The following COMMD1 variants were observed in gnomAD, a reference collection of about 807,000 sequenced individuals.
COMMD1 encodes copper metabolism domain containing 1.
In COMMD1, 10 loss-of-function variants were observed where a neutral mutation model predicts 17.2. The ratio of observed to expected loss-of-function variants is 0.58; its 90% confidence interval spans 0.36 to 0.99. The LOEUF is 0.99. Among genes scored for constraint, COMMD1 ranks in the 50% least tolerant of loss-of-function variants. The pLI is 0.01. For synonymous variants in COMMD1, 97 were observed against 91.6 expected, an observed-to-expected ratio of 1.06 and a Z score of -0.34; for missense variants, 270 against 231.8, an observed-to-expected ratio of 1.17 and a Z score of -1.07.
At chr2:62,023,723 G>A (rs1220267016) in intron 2 of COMMD1, among the ~76,000 whole-genome samples, 3 of 152,132 alleles carry the variant, frequency 2.0e-5, no homozygotes, top group Admixed American at 2.0e-4. Context: ...GACCTTGGGT[G>A]TTCCGCCCGC....
intron 1 of COMMD1, among the ~76,000 whole-genome samples, chr2:61,900,204 A>G (rs1448153795): frequency 6.6e-6 from 1 of 152,222 alleles, no homozygotes; most frequent in African/African-American, 2.4e-5. Context: ...CATTTCAGGG[A>G]GGCAGGAGTT....
chr2:62,002,689 AAAC>A (rs763733262), intron 2 of COMMD1, among the ~76,000 whole-genome samples: 7 of 148,656 alleles, frequency 4.7e-5, no homozygotes, highest in East Asian at 4.0e-4. Flanking sequence ...AAACAAAACA[AAAC>A]AACAACAACA....
At chr2:62,105,258 A>G (rs930702399) in intron 2 of COMMD1, among the ~76,000 whole-genome samples, 1 of 152,132 alleles carries the variant, frequency 6.6e-6, no homozygotes, top group Non-Finnish European at 1.5e-5. Context: ...ATTGCTTGCT[A>G]TGAGTTTTAA....
At chr2:61,974,475 C>G (rs1020248746) in intron 1 of COMMD1, among the ~76,000 whole-genome samples, 1 of 151,510 alleles carries the variant, frequency 6.6e-6, no homozygotes, top group African/African-American at 2.4e-5. Flanking sequence ...AGTTCAAGAC[C>G]AGCCTAGGCA....
chr2:62,038,608 C>T (rs1670103981), intron 2 of COMMD1, among the ~76,000 whole-genome samples: 1 of 151,976 alleles, frequency 6.6e-6, no homozygotes, highest in South Asian at 2.1e-4. Flanking sequence ...AGTACAGTGG[C>T]ACGATCTTGG....
chr2:62,014,880 A>G (rs1044150771), intron 2 of COMMD1, among the ~76,000 whole-genome samples: 4 of 151,910 alleles, frequency 2.6e-5, no homozygotes, highest in African/African-American at 7.3e-5. Context: ...AGCAGTTTTT[A>G]AGTGTACAGT....
intron 2 of COMMD1, among the ~76,000 whole-genome samples, chr2:62,064,151 A>C (rs1211101230): frequency 1.3e-5 from 2 of 151,686 alleles, no homozygotes; most frequent in African/African-American, 2.4e-5. Flanking sequence ...TATCACACAT[A>C]GTAGATTTTT....
chr2:61,979,744 G>A (rs1671905946), intron 1 of COMMD1, among the ~76,000 whole-genome samples: 1 of 143,448 alleles, frequency 7.0e-6, no homozygotes, highest in South Asian at 2.2e-4. Context: ...TTGGATATAA[G>A]TCATTTTTTT....
intron 2 of COMMD1, among the ~76,000 whole-genome samples, chr2:62,050,683 C>G (rs891411418): frequency 3.9e-5 from 6 of 152,164 alleles, no homozygotes; most frequent in African/African-American, 1.4e-4. Flanking sequence ...ATTTTGTAAG[C>G]TGACTTATGT....
chr2:61,958,622 T>C (rs1671259167), intron 1 of COMMD1, among the ~76,000 whole-genome samples: 1 of 152,226 alleles, frequency 6.6e-6, no homozygotes, highest in Non-Finnish European at 1.5e-5. Flanking sequence ...ATCTGATTTT[T>C]GTACTCACAT....
intron 1 of COMMD1, among the ~76,000 whole-genome samples, chr2:61,965,841 A>G (rs1315400335): frequency 2.0e-5 from 3 of 151,704 alleles, no homozygotes; most frequent in Non-Finnish European, 4.4e-5. Context: ...TAAGGAAAAA[A>G]CTTTTTAAAG....
chr2:62,002,601 G>A (rs1434685249), intron 2 of COMMD1, among the ~76,000 whole-genome samples: 2 of 151,522 alleles, frequency 1.3e-5, no homozygotes, highest in African/African-American at 4.9e-5. Flanking sequence ...GCCAAGGCAG[G>A]TGGATCACTT....
chr2:62,036,965 A>G (rs1670056393), intron 2 of COMMD1, among the ~76,000 whole-genome samples: 1 of 152,312 alleles, frequency 6.6e-6, no homozygotes, highest in Admixed American at 6.5e-5. Context: ...ATTGGGGACA[A>G]TGAGTTTTTG....
At chr2:61,945,289 T>C (rs1670877185) in intron 1 of COMMD1, among the ~76,000 whole-genome samples, 1 of 152,246 alleles carries the variant, frequency 6.6e-6, no homozygotes, top group African/African-American at 2.4e-5. Context: ...TCCATCATTA[T>C]GGAAGCAGGA....
chr2:62,005,247 A>G (rs1422623526), intron 2 of COMMD1, among the ~76,000 whole-genome samples: 2 of 152,228 alleles, frequency 1.3e-5, no homozygotes, highest in African/African-American at 4.8e-5. Context: ...ACTTGGTATC[A>G]TATTTTTACA....
At chr2:61,912,267 G>A (rs1409709765) in intron 1 of COMMD1, among the ~76,000 whole-genome samples, 1 of 152,168 alleles carries the variant, frequency 6.6e-6, no homozygotes, top group South Asian at 2.1e-4. Context: ...TGTAGAATAA[G>A]TGAATGAATT....
chr2:61,980,559 G>A (rs1332126177), intron 1 of COMMD1, among the ~76,000 whole-genome samples: 1 of 138,336 alleles, frequency 7.2e-6, no homozygotes, highest in Non-Finnish European at 1.5e-5. Context: ...TTTGAGAAGT[G>A]TCTGTTCATG....
At chr2:62,040,097 A>G (rs942503274) in intron 2 of COMMD1, among the ~76,000 whole-genome samples, 1 of 152,138 alleles carries the variant, frequency 6.6e-6, no homozygotes, top group Non-Finnish European at 1.5e-5. Context: ...TACAAAAATT[A>G]CAATAATTAG....
chr2:61,899,225 A>AC (rs1001383298), intron 1 of COMMD1, among the ~76,000 whole-genome samples: 1 of 152,128 alleles, frequency 6.6e-6, no homozygotes, highest in African/African-American at 2.4e-5. Flanking sequence ...AGGAGATAAA[A>AC]CCCCCATATG....
Sources: allele counts gnomAD v4.1 joint callset (sites outside exome capture counted in the v4.1 genomes callset), GRCh38; gene constraint gnomAD v4.1.1; transcripts MANE v1.5; gene names NCBI Gene and HGNC (gene_info 2026-07-23, HGNC 2026-07-21).